The following PRKN variants were observed in gnomAD, a reference collection of about 807,000 sequenced individuals.
PRKN encodes the protein E3 ubiquitin-protein ligase parkin.
PRKN carries 56 observed loss-of-function variants against 59.5 expected under a neutral mutation model. The observed-to-expected ratio is 0.94, with a 90% CI of 0.76 to 1.18. PRKN has a LOEUF of 1.18. Among genes scored for constraint, PRKN ranks in the 50% most tolerant of loss-of-function variants. PRKN has a pLI of 0.00. For missense variants in PRKN, 657 were observed against 596.4 expected (o/e 1.10, Z -1.06); for synonymous variants, 250 against 222.1 (o/e 1.13, Z -1.12).
chr6:162,579,190 T>C (rs1247978407), intron 1 of PRKN, among the ~76,000 whole-genome samples: 1 of 152,216 alleles, frequency 6.6e-6, no homozygotes, highest in Non-Finnish European at 1.5e-5. Context: ...TCCCAGTCCA[T>C]TGAATCTATC....
chr6:161,971,597 G>A (rs1014325879), intron 6 of PRKN, among the ~76,000 whole-genome samples: 8 of 152,150 alleles, frequency 5.3e-5, no homozygotes, highest in Non-Finnish European at 1.0e-4. Flanking sequence ...AGGCTGAAGC[G>A]CTATATTTTA....
intron 8 of PRKN, among the ~76,000 whole-genome samples, chr6:161,555,989 CA>C (rs1780223938): frequency 6.6e-6 from 1 of 152,170 alleles, no homozygotes; most frequent in African/African-American, 2.4e-5. Flanking sequence ...GACAACACAT[CA>C]CCTAGTCTAT....
At chr6:161,416,350 G>A (rs1648002639) in intron 9 of PRKN, among the ~76,000 whole-genome samples, 1 of 152,106 alleles carries the variant, frequency 6.6e-6, no homozygotes, top group South Asian at 2.1e-4. Context: ...TTCCCCCGAG[G>A]AGAGCGCACA....
At chr6:162,354,838 T>G (rs1784779019) in intron 2 of PRKN, among the ~76,000 whole-genome samples, 1 of 152,082 alleles carries the variant, frequency 6.6e-6, no homozygotes, top group South Asian at 2.1e-4. Flanking sequence ...AGCTTTTATA[T>G]TTTTGAACTA....
intron 1 of PRKN, among the ~76,000 whole-genome samples, chr6:162,498,926 C>G (rs1172703352): frequency 6.6e-6 from 1 of 152,074 alleles, no homozygotes; most frequent in African/African-American, 2.4e-5. Flanking sequence ...ACTGAAAAAA[C>G]AAGCATGTTC....
intron 4 of PRKN, among the ~76,000 whole-genome samples, chr6:162,185,496 A>G (rs1160334734): frequency 6.6e-6 from 1 of 152,194 alleles, no homozygotes; most frequent in East Asian, 1.9e-4. Flanking sequence ...AAACAACAGG[A>G]AGGACAAGAG....
chr6:162,425,704 A>T (rs916357454), intron 2 of PRKN, among the ~76,000 whole-genome samples: 2 of 152,226 alleles, frequency 1.3e-5, no homozygotes, highest in African/African-American at 4.8e-5. Context: ...ACAAAGAGAT[A>T]AAGTGATGAA....
intron 5 of PRKN, among the ~76,000 whole-genome samples, chr6:162,007,933 A>G (rs1222572021): frequency 6.6e-6 from 1 of 152,226 alleles, no homozygotes; most frequent in Non-Finnish European, 1.5e-5. Context: ...TTTCATATTC[A>G]ACCCAAGTTT....
chr6:162,576,896 C>T (rs1024018386), intron 1 of PRKN, among the ~76,000 whole-genome samples: 8 of 151,484 alleles, frequency 5.3e-5, no homozygotes, highest in Non-Finnish European at 1.0e-4. Flanking sequence ...ATGCCCCTCA[C>T]GGCATCTTAG....
At chr6:162,064,774 T>C (rs1449172114) in intron 4 of PRKN, among the ~76,000 whole-genome samples, 1 of 152,234 alleles carries the variant, frequency 6.6e-6, no homozygotes, top group Non-Finnish European at 1.5e-5. Context: ...GGTACTTTCA[T>C]TACATGAAAT....
At chr6:161,924,222 T>C (rs1203364023) in intron 6 of PRKN, among the ~76,000 whole-genome samples, 1 of 152,156 alleles carries the variant, frequency 6.6e-6, no homozygotes, top group Non-Finnish European at 1.5e-5. Context: ...TTACTGCCCC[T>C]ATCACACTAC....
At chr6:162,092,959 G>C (rs764488115) in intron 4 of PRKN, among the ~76,000 whole-genome samples, 1 of 152,164 alleles carries the variant, frequency 6.6e-6, no homozygotes, top group Non-Finnish European at 1.5e-5. Flanking sequence ...TCTGCCTCAC[G>C]CTTAGCTCTC....
At chr6:162,569,511 A>G (rs1443391680) in intron 1 of PRKN, 1 of 701,632 alleles carries the variant, frequency 1.4e-6, no homozygotes, top group Non-Finnish European at 2.7e-6. Context: ...ATGAGTATCC[A>G]TACAAAGACC....
chr6:161,963,524 G>C (rs187423965), intron 6 of PRKN, among the ~76,000 whole-genome samples: 1 of 152,190 alleles, frequency 6.6e-6, no homozygotes, highest in Admixed American at 6.5e-5. Context: ...CTATGCTTTC[G>C]TAAGTAACTG....
chr6:161,734,595 G>A lies in PRKN; in HGVS notation c.871+51177C>T, dbSNP rs188121072. Among the ~76,000 whole-genome samples the A allele has an allele frequency of 1.8e-4, 28 of 152,224 alleles. No homozygotes were observed. The East Asian group carries it at 4.1e-3, about 22-fold the overall frequency. ...AGTGTGTGGTAATTTGTTGAGCTGC[G>A]GCAATAGAAAATGAATACAGTGACT... On this transcript the variant is annotated intron_variant, in intron 7 of 11. Transcript: ENST00000366898.
intron 9 of PRKN, among the ~76,000 whole-genome samples, chr6:161,536,159 G>T (rs182430830): frequency 6.6e-6 from 1 of 152,186 alleles, no homozygotes; most frequent in Non-Finnish European, 1.5e-5. Flanking sequence ...CCCATTAAGA[G>T]ATTTTGATTG....
At chr6:162,672,546 A>G (rs906082310) in intron 1 of PRKN, among the ~76,000 whole-genome samples, 7 of 152,212 alleles carry the variant, frequency 4.6e-5, no homozygotes, top group Non-Finnish European at 1.0e-4. Flanking sequence ...GTTAATCATT[A>G]AAACTGATTA....
At chr6:162,021,461 A>ATATATATTT (rs59250759) in intron 5 of PRKN, among the ~76,000 whole-genome samples, 1 of 24,648 alleles carries the variant, frequency 4.1e-5, no homozygotes, top group Non-Finnish European at 1.1e-4. Context: ...ATATATATAT[A>ATATATATTT]TTTTTTTTTT....
At chr6:162,582,515 T>C (rs1014392496) in intron 1 of PRKN, among the ~76,000 whole-genome samples, 2 of 152,188 alleles carry the variant, frequency 1.3e-5, no homozygotes, top group Non-Finnish European at 2.9e-5. Context: ...AAAGAAAAGA[T>C]GGAGTTACGA....
Sources: allele counts gnomAD v4.1 joint callset (sites outside exome capture counted in the v4.1 genomes callset), GRCh38; gene constraint gnomAD v4.1.1; transcripts MANE v1.5; gene names NCBI Gene and HGNC (gene_info 2026-07-23, HGNC 2026-07-21).